NDUFA10: variants seen among roughly 807,000 people sequenced by gnomAD.
NDUFA10 encodes the protein NADH:ubiquinone oxidoreductase subunit A10, also known as NADH dehydrogenase [ubiquinone] 1 alpha subcomplex subunit 10, mitochondrial.
Under a neutral mutation model 47.8 loss-of-function variants are expected in NDUFA10, and 40 were observed. That is an observed-to-expected ratio of 0.84 (90% CI 0.65 to 1.09). The LOEUF (loss-of-function observed/expected upper bound fraction) is 1.09. Among genes scored for constraint, NDUFA10 ranks in the 50% least tolerant of loss-of-function variants. The pLI, the probability that NDUFA10 is intolerant of heterozygous loss-of-function variation, is 0.00. For missense variants in NDUFA10, 413 were observed against 451.1 expected, an observed-to-expected ratio of 0.92 and a Z score of 0.76; for synonymous variants, 183 against 172.2, an observed-to-expected ratio of 1.06 and a Z score of -0.49.
intron 1 of NDUFA10, among the ~76,000 whole-genome samples, chr2:240,024,941 C>G (rs1306504662): frequency 8.0e-5 from 12 of 149,510 alleles, no homozygotes; most frequent in Non-Finnish European, 1.8e-4. Flanking sequence ...CTGCCACCTG[C>G]ACACGGGCCT....
At chr2:239,993,483 C>G (rs1248062049) in intron 8 of NDUFA10, among the ~76,000 whole-genome samples, 1 of 152,200 alleles carries the variant, frequency 6.6e-6, no homozygotes, top group African/African-American at 2.4e-5. Context: ...AAGGGCCTGG[C>G]AGATTGCCTG....
At chr2:239,931,154 G>A (rs540791056) in intron 4 of NDUFA10, among the ~76,000 whole-genome samples, 1 of 152,288 alleles carries the variant, frequency 6.6e-6, no homozygotes, top group African/African-American at 2.4e-5. Flanking sequence ...TTTCACCCTG[G>A]CCACAGGCAT....
intron 4 of NDUFA10, among the ~76,000 whole-genome samples, chr2:239,913,125 C>T (rs35875504): frequency 0.19 from 28,913 of 152,212 alleles, 3,262 homozygotes; most frequent in African/African-American, 0.31. Flanking sequence ...TGCATCCAAT[C>T]ATTAAGCTGA....
rs1047392425 is a variant in NDUFA10 at position 239,961,125 on chromosome 2, A to C, written c.1061T>G (p.Leu354Arg). 1.2e-6 allele frequency: 2 copies of C among 1,614,212 alleles called. No individual in the cohort carries two copies. Among genetic ancestry groups the C allele is most frequent in the Non-Finnish European group, 1.7e-6 (2 of 1,180,040 alleles). ...GAGCAGAAGGCGGCCCGTTCACTTC[A>C]GCCAGATCCACTTGTCTCCCACCTC... ...NTEVGDKWIW[L>R]K Residue 354 changes from leucine (L) to arginine (R), a missense_variant, in exon 10 of 10, where the codon CTG (leucine) becomes CGG (arginine). By Grantham distance (102) the Leu-to-Arg change is moderately radical (BLOSUM62 -2). Coordinates refer to ENST00000252711, the MANE Select transcript of NDUFA10 (RefSeq NM_004544.4).
chr2:239,971,286 C>T (rs1695296243), intron 9 of NDUFA10, among the ~76,000 whole-genome samples: 1 of 152,238 alleles, frequency 6.6e-6, no homozygotes, highest in Non-Finnish European at 1.5e-5. Flanking sequence ...AGGTACATCG[C>T]AAGGGTCTCC....
rs1418410122 is a variant in NDUFA10 at position 239,990,109 on chromosome 2, G to A, written c.964C>T (p.His322Tyr). The A allele has an allele frequency of 2.5e-6, 4 of 1,613,526 alleles. No homozygotes were observed. The highest frequency in any genetic ancestry group is 3.4e-6 in the Non-Finnish European group (4 of 1,179,634). ...IFLPEVTIGA[H>Y]QTDRVLHQFR... ...TGATGTAAGACACGGTCAGTCTGAT[G>A]AGCTCCAATGGTGACTTCCGGGAGA... Residue 322 changes from histidine to tyrosine, a missense_variant, in exon 9 of 10, where the codon CAT becomes TAT. Physicochemically the swap from His to Tyr is moderately conservative, Grantham distance 83 (BLOSUM62 2). Coordinates refer to ENST00000252711, the MANE Select transcript of NDUFA10 (RefSeq NM_004544.4).
At chr2:240,021,465 A>G in intron 2 of NDUFA10, 53 bp from the exon 3 acceptor site, 1 of 1,528,386 alleles carries the variant, frequency 6.5e-7, no homozygotes, top group Non-Finnish European at 9.0e-7. Flanking sequence ...CACTCCCCGC[A>G]GGGAGCAGTG....
At chr2:239,992,569 G>C (rs533968814) in intron 8 of NDUFA10, among the ~76,000 whole-genome samples, 2 of 152,164 alleles carry the variant, frequency 1.3e-5, no homozygotes, top group Non-Finnish European at 2.9e-5. Context: ...ACGTGCTCCA[G>C]GAGTCATGTA....
chr2:239,931,582 T>G (rs1256651637), intron 4 of NDUFA10, among the ~76,000 whole-genome samples: 1 of 152,218 alleles, frequency 6.6e-6, no homozygotes, highest in Non-Finnish European at 1.5e-5. Flanking sequence ...ACCTGCACTG[T>G]GCCCTCCAGA....
At chr2:239,916,294 TACAG>T (rs1693878746) in intron 4 of NDUFA10, among the ~76,000 whole-genome samples, 1 of 146,258 alleles carries the variant, frequency 6.8e-6, no homozygotes, top group Admixed American at 6.8e-5. Context: ...GATACAAATA[TACAG>T]ACACACACAG....
rs188248378 is a variant in NDUFA10 at position 240,016,828 on chromosome 2, G to A, written c.547+1725C>T. 7.9e-5 allele frequency among the ~76,000 whole-genome samples: 12 copies of A among 152,194 alleles called. No individual in the cohort carries two copies. In the East Asian group the frequency reaches 1.2e-3, roughly 15 times the overall value. On this transcript the variant is annotated intron_variant, in intron 4 of 9. Transcript: ENST00000252711. The surrounding 1 kb of genome is among the most constrained non-coding windows in gnomAD (Gnocchi z 4.4). ...CTTCAGCAGACACTCAGCAGATGCC[G>A]ACAGGTATCTCCTGCCACCTTGCCA...
Position 239,987,837 on chromosome 2 carries a change from T to C in NDUFA10, c.999+2237A>G, listed in dbSNP as rs1696065786. 6.6e-6 allele frequency among the ~76,000 whole-genome samples: 1 copy of C among 152,162 alleles called. No homozygotes were observed. Among genetic ancestry groups the C allele is most frequent in the Non-Finnish European group, 1.5e-5 (1 of 68,032 alleles). The stretch of plus-strand genomic sequence containing the variant: ...AAGACGACCGAGATCATGCAAAACA[T>C]GCGAGTGGGTACTCTGCTCTGGAAC... On this transcript the variant is annotated intron_variant, in intron 9 of 9. Coordinates refer to ENST00000252711, the MANE Select transcript of NDUFA10 (RefSeq NM_004544.4). The surrounding 1 kb of genome is among the most constrained non-coding windows in gnomAD (Gnocchi z 4.8).
intron 2 of NDUFA10, 48 bp downstream of exon 2, chr2:240,022,124 C>G (rs780996420): frequency 5.8e-6 from 9 of 1,547,194 alleles, no homozygotes; most frequent in Non-Finnish European, 7.1e-6. Flanking sequence ...AAATAAGCAA[C>G]CATATATCTG....
At chr2:240,007,023 T>C (rs978718227) in intron 7 of NDUFA10, among the ~76,000 whole-genome samples, 23 of 152,212 alleles carry the variant, frequency 1.5e-4, no homozygotes, top group Non-Finnish European at 2.6e-4. Flanking sequence ...TCTTTCCCAT[T>C]AACTAATCCA....
intron 4 of NDUFA10, among the ~76,000 whole-genome samples, chr2:239,932,126 G>A (rs764247549): frequency 4.0e-5 from 6 of 151,636 alleles, no homozygotes; most frequent in African/African-American, 4.9e-5. Context: ...GAGCCACCGC[G>A]CCCGGCCTGC....
intron 9 of NDUFA10, chr2:239,983,472 G>C: frequency 6.5e-7 from 1 of 1,536,874 alleles, no homozygotes; most frequent in Non-Finnish European, 8.8e-7. Flanking sequence ...TCAAGCAACC[G>C]AATTTCCTTA....
rs148754803 is a variant in NDUFA10, at chr2:239,960,745, T to C, written c.*373A>G. 115 of 1,196,176 alleles carry C rather than the reference T, an allele frequency of 9.6e-5. No homozygotes were observed. In the African/African-American group the frequency reaches 1.7e-3, roughly 17 times the overall value. The allele number at this position is 1,196,176 out of a possible 1,614,324, so 74.1% of individuals were successfully genotyped here. A position where few individuals can be genotyped will look rare whatever the true frequency, so the allele number is the denominator to read the frequency against. ...TAGACGTACGATGGGGAAATTCCCA[T>C]GGAAACACTTTTATTTCTGGAAGTC... On this transcript the variant is annotated 3_prime_UTR_variant, in exon 10 of 10. Transcript: ENST00000252711.
intron 9 of NDUFA10, among the ~76,000 whole-genome samples, chr2:239,971,712 T>A (rs1296439872): frequency 6.6e-6 from 1 of 152,204 alleles, no homozygotes; most frequent in African/African-American, 2.4e-5. Flanking sequence ...GGAGCCCCGA[T>A]CTTTTAATGA....
chr2:239,940,671 G>T (rs2106378418), intron 4 of NDUFA10, among the ~76,000 whole-genome samples: 1 of 152,296 alleles, frequency 6.6e-6, no homozygotes, highest in East Asian at 1.9e-4. Flanking sequence ...ATCAAGGAAG[G>T]TATCAGACAG....
Sources: allele counts gnomAD v4.1 joint callset (sites outside exome capture counted in the v4.1 genomes callset), GRCh38; gene constraint gnomAD v4.1.1; non-coding constraint Gnocchi (gnomAD v3.1); transcripts MANE v1.5; gene names NCBI Gene and HGNC (gene_info 2026-07-23, HGNC 2026-07-21).